Variants in GPC6 observed in about 807,000 individuals in gnomAD.
GPC6 encodes glypican 6.
GPC6 carries 14 observed loss-of-function variants against 55.2 expected under a neutral mutation model. That is an observed-to-expected ratio of 0.25 (90% CI 0.17 to 0.40). The LOEUF (loss-of-function observed/expected upper bound fraction) is 0.40. Among genes scored for constraint, GPC6 ranks in the 10% least tolerant of loss-of-function variants. GPC6 has a pLI of 1.00. For synonymous variants in GPC6, 278 were observed against 259.6 expected, an observed-to-expected ratio of 1.07 and a Z score of -0.68; for missense variants, 641 against 708.5, an observed-to-expected ratio of 0.90 and a Z score of 1.08.
chr13:94,219,354 C>G (rs1035510515), intron 4 of GPC6, among the ~76,000 whole-genome samples: 4 of 152,122 alleles, frequency 2.6e-5, no homozygotes, highest in African/African-American at 9.7e-5. Context: ...AGTGCTAGTA[C>G]CCACATGGGT....
intron 1 of GPC6, among the ~76,000 whole-genome samples, chr13:93,231,391 A>ATGTG (rs58171098): frequency 4.7e-5 from 1 of 21,484 alleles, no homozygotes; most frequent in South Asian, 1.5e-3. Flanking sequence ...ATATATATAT[A>ATGTG]TATATGTATA....
chr13:93,719,278 C>A (rs1883363641), intron 2 of GPC6, among the ~76,000 whole-genome samples: 1 of 151,966 alleles, frequency 6.6e-6, no homozygotes, highest in Admixed American at 6.6e-5. Flanking sequence ...GTTTGTAGTT[C>A]TCCTTGAAGA....
At chr13:93,494,643 A>T (rs900393569) in intron 1 of GPC6, among the ~76,000 whole-genome samples, 5 of 152,014 alleles carry the variant, frequency 3.3e-5, no homozygotes, top group African/African-American at 1.2e-4. Context: ...TTTTGGCATG[A>T]TTTTGCAGCG....
chr13:93,847,171 T>G (rs1204837739), intron 3 of GPC6, among the ~76,000 whole-genome samples: 2 of 152,104 alleles, frequency 1.3e-5, no homozygotes, highest in Non-Finnish European at 2.9e-5. Context: ...GTCCCTTAAG[T>G]GTAATGGCCA....
chr13:93,725,188 C>T (rs1301260690), intron 2 of GPC6, among the ~76,000 whole-genome samples: 1 of 151,816 alleles, frequency 6.6e-6, no homozygotes, highest in East Asian at 1.9e-4. Flanking sequence ...TGAGCAAAAT[C>T]AAATAATATT....
At chr13:93,922,450 C>G (rs1400636294) in intron 3 of GPC6, among the ~76,000 whole-genome samples, 1 of 152,274 alleles carries the variant, frequency 6.6e-6, no homozygotes, top group African/African-American at 2.4e-5. Flanking sequence ...AATTATACTA[C>G]ATATCTAAAT....
chr13:93,921,198 C>T lies in GPC6; in HGVS notation c.711+90653C>T, dbSNP rs79593005. On this transcript the variant is annotated intron_variant, in intron 3 of 8. Transcript: ENST00000377047. ...GGCAGGGGTGTGGGTCAAACTCTTA[C>T]GGGAGGATGAACATACAGACAGACA... Among the ~76,000 whole-genome samples the T allele has an allele frequency of 9.9e-5, 15 of 152,236 alleles. No homozygotes were observed. In the East Asian group the frequency reaches 2.5e-3, roughly 26 times the overall value.
intron 3 of GPC6, among the ~76,000 whole-genome samples, chr13:93,859,686 T>C (rs1266605223): frequency 1.6e-5 from 2 of 127,102 alleles, no homozygotes; most frequent in African/African-American, 6.9e-5. Flanking sequence ...ACAATTCAAG[T>C]CTTAACAACC....
chr13:93,216,739 C>A, the GPC6 span, among the ~76,000 whole-genome samples: 1 of 152,236 alleles, frequency 6.6e-6, no homozygotes, highest in East Asian at 1.9e-4. Context: ...AAAAAGAACT[C>A]TCTCTGGGAA....
intron 4 of GPC6, among the ~76,000 whole-genome samples, chr13:94,078,011 A>G (rs1884977762): frequency 6.6e-6 from 1 of 151,926 alleles, no homozygotes; most frequent in Admixed American, 6.6e-5. Context: ...ATCACATGTT[A>G]GGCTACAAAG....
At chr13:93,387,638 A>G (rs1875459725) in intron 1 of GPC6, among the ~76,000 whole-genome samples, 1 of 152,232 alleles carries the variant, frequency 6.6e-6, no homozygotes, top group Non-Finnish European at 1.5e-5. Flanking sequence ...GATTGTCAGA[A>G]GATCAAATTA....
intron 2 of GPC6, among the ~76,000 whole-genome samples, chr13:93,618,154 T>G (rs1156466354): frequency 6.6e-6 from 1 of 152,102 alleles, no homozygotes; most frequent in Admixed American, 6.6e-5. Flanking sequence ...ACTTCCATAG[T>G]CACCAAATTT....
chr13:94,228,819 A>G (rs1188454124), intron 4 of GPC6, among the ~76,000 whole-genome samples: 1 of 151,272 alleles, frequency 6.6e-6, no homozygotes, highest in East Asian at 1.9e-4. Flanking sequence ...AAAAGTCTAG[A>G]CAGATGAGTT....
At position 94,403,334 on chromosome 13, in the gene GPC6, A is replaced by G. The variant is rs2139234574; in HGVS notation, c.*117A>G. 1 of 780,256 alleles carries G rather than the reference A, an allele frequency of 1.3e-6. No individual in the cohort carries two copies. The highest frequency in any genetic ancestry group is 1.5e-5 in the South Asian group (1 of 68,496). The allele number at this position is 780,256 out of a possible 1,614,324, so 48.3% of individuals were successfully genotyped here. On this transcript the variant is annotated 3_prime_UTR_variant, in exon 9 of 9. Transcript: ENST00000377047. ...ACAAAAACTTACCGTTTTCTATGAG[A>G]AGAGAGCAGTAATGCAATCTGCCTC... is the stretch of plus-strand genomic sequence containing the variant.
At chr13:93,717,475 A>G (rs1486492747) in intron 2 of GPC6, among the ~76,000 whole-genome samples, 3 of 151,766 alleles carry the variant, frequency 2.0e-5, no homozygotes, top group African/African-American at 7.2e-5. Context: ...AAGCAGGGGA[A>G]GAAAAAGTCA....
intron 3 of GPC6, among the ~76,000 whole-genome samples, chr13:93,879,262 C>A (rs1011185033): frequency 9.9e-5 from 15 of 152,078 alleles, no homozygotes; most frequent in Non-Finnish European, 1.6e-4. Context: ...TTTTCAACTT[C>A]TTTGCCTTTG....
intron 1 of GPC6, among the ~76,000 whole-genome samples, chr13:93,229,060 T>A (rs1419807389): frequency 6.6e-6 from 1 of 152,172 alleles, no homozygotes; most frequent in Non-Finnish European, 1.5e-5. Flanking sequence ...TTAGAATCTG[T>A]GGTGAATTAT....
intron 1 of GPC6, among the ~76,000 whole-genome samples, chr13:93,305,101 G>A (rs1420166333): frequency 6.6e-6 from 1 of 152,106 alleles, no homozygotes; most frequent in African/African-American, 2.4e-5. Flanking sequence ...GTTCCAGCAG[G>A]AGCTCTTAAC....
At chr13:93,415,941 C>G (rs1056431374) in intron 1 of GPC6, among the ~76,000 whole-genome samples, 3 of 151,968 alleles carry the variant, frequency 2.0e-5, no homozygotes, top group African/African-American at 7.2e-5. Context: ...TTGATATGTT[C>G]AGTTTATCAA....
Sources: gnomAD v4.1 joint callset for allele counts (sites outside exome capture counted in the v4.1 genomes callset) on GRCh38, gnomAD v4.1.1 for gene constraint, MANE v1.5 for transcripts, NCBI Gene and HGNC (gene_info 2026-07-23, HGNC 2026-07-21) for gene names.